RARB: variants seen among roughly 807,000 people sequenced by gnomAD.
RARB encodes HBV-activated protein.
A neutral mutation model predicts 51.9 loss-of-function variants in RARB; 17 were observed. The observed-to-expected ratio is 0.33, with a 90% CI of 0.22 to 0.49. The LOEUF (loss-of-function observed/expected upper bound fraction) is 0.49, where lower values mean the gene tolerates loss of function less well. Among genes scored for constraint, RARB ranks in the 20% least tolerant of loss-of-function variants. The pLI, the probability that RARB is intolerant of heterozygous loss-of-function variation, is 0.99. For synonymous variants in RARB, 215 were observed against 195.4 expected, an observed-to-expected ratio of 1.10 and a Z score of -0.84; for missense variants, 369 against 550.8, an observed-to-expected ratio of 0.67 and a Z score of 3.30.
At chr3:24,831,522 A>G (rs1702281431) in intron 1 of RARB, among the ~76,000 whole-genome samples, 1 of 152,108 alleles carries the variant, frequency 6.6e-6, no homozygotes, top group Non-Finnish European at 1.5e-5. Context: ...AAATAACCTC[A>G]TTTGCTGTTT....
intron 5 of RARB, among the ~76,000 whole-genome samples, chr3:25,408,381 A>T (rs1015868231): frequency 6.6e-6 from 1 of 152,090 alleles, no homozygotes; most frequent in African/African-American, 2.4e-5. Flanking sequence ...TCCTATGGCC[A>T]AGCAGGAGAG....
Position 25,340,252 on chromosome 3 carries a change from A to G in RARB, c.179-120941A>G, listed in dbSNP as rs78172623. Among the ~76,000 whole-genome samples, 579 of 152,302 alleles carry G rather than the reference A, an allele frequency of 3.8e-3. 15 individuals are homozygous for G. The East Asian group carries it at 0.068, about 18-fold the overall frequency. ...AAACAGGTGACTTTATTGTACTTCTATACTTACCTCATCATGTTGTTTTAA... is the reference window on the plus strand; with the variant it reads ...AAACAGGTGACTTTATTGTACTTCTGTACTTACCTCATCATGTTGTTTTAA... On this transcript the variant is annotated intron_variant, in intron 5 of 11. Coordinates refer to the RARB transcript ENST00000383772.
intron 5 of RARB, among the ~76,000 whole-genome samples, chr3:25,415,637 T>G (rs1707683535): frequency 6.6e-6 from 1 of 152,218 alleles, no homozygotes; most frequent in South Asian, 2.1e-4. Context: ...TAGGTTTCAT[T>G]GTTTTAATGA....
intron 5 of RARB, among the ~76,000 whole-genome samples, chr3:25,314,209 G>A (rs1192528544): frequency 6.6e-6 from 1 of 152,100 alleles, no homozygotes; most frequent in Non-Finnish European, 1.5e-5. Context: ...TTAGTTAACT[G>A]TTGAGATATA....
intron 5 of RARB, among the ~76,000 whole-genome samples, chr3:25,345,101 T>C (rs6771956): frequency 0.2 from 30,471 of 152,154 alleles, 3,375 homozygotes; most frequent in African/African-American, 0.3. Context: ...AGAAAATATC[T>C]GTGGGTGTTG....
At chr3:25,007,482 C>T (rs983330197) in intron 2 of RARB, among the ~76,000 whole-genome samples, 1 of 151,110 alleles carries the variant, frequency 6.6e-6, no homozygotes, top group African/African-American at 2.4e-5. Flanking sequence ...CAAAAAATAG[C>T]TGGGCATGGT....
chr3:25,551,423 C>T (rs1575510998), intron 3 of RARB, among the ~76,000 whole-genome samples: 2 of 152,270 alleles, frequency 1.3e-5, no homozygotes, highest in African/African-American at 4.8e-5. Flanking sequence ...GGTAGATATA[C>T]TGGATAAGGA....
At chr3:25,362,468 T>G (rs1432767612) in intron 5 of RARB, among the ~76,000 whole-genome samples, 1 of 152,108 alleles carries the variant, frequency 6.6e-6, no homozygotes, top group South Asian at 2.1e-4. Flanking sequence ...CAGCCCCCTT[T>G]CCAGGGGAGT....
intron 2 of RARB, among the ~76,000 whole-genome samples, chr3:24,933,648 A>G (rs904539419): frequency 6.6e-6 from 1 of 152,138 alleles, no homozygotes; most frequent in Non-Finnish European, 1.5e-5. Context: ...TACAGCACTC[A>G]GAGAAAGAAA....
At chr3:25,473,718 C>T (rs1197409667) in intron 2 of RARB, among the ~76,000 whole-genome samples, 1 of 152,074 alleles carries the variant, frequency 6.6e-6, no homozygotes, top group Non-Finnish European at 1.5e-5. Flanking sequence ...GTGAATTTCA[C>T]TTCTTAACTT....
intron 2 of RARB, among the ~76,000 whole-genome samples, chr3:25,492,762 T>C (rs1696805802): frequency 6.6e-6 from 1 of 152,192 alleles, no homozygotes; most frequent in African/African-American, 2.4e-5. Context: ...CAGGCTTTCT[T>C]TTCTAATAGT....
chr3:25,157,553 AC>A (rs1700398834), intron 4 of RARB, among the ~76,000 whole-genome samples: 1 of 110,186 alleles, frequency 9.1e-6, no homozygotes, highest in African/African-American at 3.2e-5. Context: ...TGAGCCACCA[AC>A]ACCCAGCTAA....
intron 5 of RARB, among the ~76,000 whole-genome samples, chr3:25,315,175 T>C (rs1178727695): frequency 6.6e-6 from 1 of 152,144 alleles, no homozygotes; most frequent in Non-Finnish European, 1.5e-5. Context: ...CTATAGGCTC[T>C]CTGGCATCCC....
intron 2 of RARB, among the ~76,000 whole-genome samples, chr3:24,896,785 G>A (rs537257365): frequency 8.5e-5 from 13 of 152,232 alleles, no homozygotes; most frequent in Non-Finnish European, 1.8e-4. Flanking sequence ...TGTTTGAAAC[G>A]AACTTGGAAT....
chr3:25,541,893 C>A (rs1000178385), intron 3 of RARB, among the ~76,000 whole-genome samples: 6 of 152,170 alleles, frequency 3.9e-5, no homozygotes, highest in Non-Finnish European at 4.4e-5. Context: ...GAGAACTCTG[C>A]TATTCGTTTC....
At chr3:25,405,448 T>G (rs898698399) in intron 5 of RARB, among the ~76,000 whole-genome samples, 1 of 152,188 alleles carries the variant, frequency 6.6e-6, no homozygotes, top group African/African-American at 2.4e-5. Flanking sequence ...ACATCAGGCC[T>G]TGAGTTTGGT....
At chr3:25,403,519 G>C (rs1486905723) in intron 5 of RARB, among the ~76,000 whole-genome samples, 1 of 152,334 alleles carries the variant, frequency 6.6e-6, no homozygotes, top group East Asian at 1.9e-4. Context: ...TGAAGCACTA[G>C]TGTTAAATCT....
At chr3:25,159,420 C>G (rs907452853) in intron 4 of RARB, among the ~76,000 whole-genome samples, 7 of 150,516 alleles carry the variant, frequency 4.7e-5, no homozygotes, top group East Asian at 2.0e-4. Flanking sequence ...CCACCCCCCC[C>G]GCTCCCCCTC....
intron 2 of RARB, among the ~76,000 whole-genome samples, chr3:25,494,772 T>C (rs989050451): frequency 1.3e-5 from 2 of 152,210 alleles, no homozygotes; most frequent in African/African-American, 4.8e-5. Flanking sequence ...GCCTATATTG[T>C]TTAGAGGTTG....
Sources: allele counts gnomAD v4.1 joint callset (sites outside exome capture counted in the v4.1 genomes callset), GRCh38; gene constraint gnomAD v4.1.1; transcripts MANE v1.5; gene names NCBI Gene and HGNC (gene_info 2026-07-23, HGNC 2026-07-21).